The following TF variants were observed in gnomAD, a reference collection of about 807,000 sequenced individuals.
The protein encoded by TF is transferrin, also known as serotransferrin.
TF carries 55 observed loss-of-function variants against 82.4 expected under a neutral mutation model. The ratio of observed to expected loss-of-function variants is 0.67; its 90% CI spans 0.54 to 0.84. The LOEUF is 0.84. Among genes scored for constraint, TF ranks in the 40% least tolerant of loss-of-function variants. The probability of loss-of-function intolerance (pLI) is 0.00; values close to 1 mark genes in which losing one functional copy is unlikely to be tolerated. For synonymous variants in TF, 332 were observed against 332.6 expected, an observed-to-expected ratio of 1.00 and a Z score of 0.02; for missense variants, 737 against 868.4, an observed-to-expected ratio of 0.85 and a Z score of 1.90.
At chr3:133,777,488 C>G (rs1366728359) in intron 16 of TF, 1 of 503,822 alleles carries the variant, frequency 2.0e-6, no homozygotes, top group Admixed American at 3.3e-5. Context: ...CATCTTATTT[C>G]TAAGAAAAGG....
the TF span, among the ~76,000 whole-genome samples, chr3:133,688,660 G>C: frequency 6.6e-6 from 1 of 152,148 alleles, no homozygotes; most frequent in Admixed American, 6.5e-5. Flanking sequence ...CATTGAAAGA[G>C]AATCTATAAA....
the TF span, among the ~76,000 whole-genome samples, chr3:133,670,415 C>T: frequency 2.6e-5 from 4 of 152,172 alleles, no homozygotes; most frequent in Non-Finnish European, 5.9e-5. Flanking sequence ...TTTATGAGAG[C>T]CTGTACCAAA....
the TF span, among the ~76,000 whole-genome samples, chr3:133,677,259 T>C: frequency 3.9e-5 from 6 of 152,238 alleles, no homozygotes; most frequent in Non-Finnish European, 7.3e-5. Context: ...TAAATTGTCA[T>C]ATGGCCAGTG....
chr3:133,717,785 A>G, the TF span, among the ~76,000 whole-genome samples: 6 of 152,192 alleles, frequency 3.9e-5, no homozygotes, highest in African/African-American at 7.2e-5. Flanking sequence ...CTGAATACAC[A>G]AAGGGAATTT....
Position 133,792,458 on chromosome 3 carries a change from C to T in TF, c.*13838C>T, listed in dbSNP as rs1934864787. The T allele has an allele frequency of 1.3e-5, 2 of 152,218 alleles. No homozygotes were observed. Among genetic ancestry groups the T allele is most frequent in the African/African-American group, 4.8e-5 (2 of 41,456 alleles). 9.4% of individuals were successfully genotyped at this position (152,218 alleles called of 1,614,324 possible). On this transcript the variant is annotated 3_prime_UTR_variant, in exon 17 of 17. Coordinates refer to ENST00000402696, the MANE Select transcript of TF (RefSeq NM_001063.4). ...TTAACTCTACAACTTGCCTGCTTTACAGCTCGGTAAGGCCTGAGACACGTG... is the reference window on the plus strand; with the variant it reads ...TTAACTCTACAACTTGCCTGCTTTATAGCTCGGTAAGGCCTGAGACACGTG...
At chr3:133,772,136 A>G (rs1934275940) in intron 14 of TF, among the ~76,000 whole-genome samples, 1 of 152,232 alleles carries the variant, frequency 6.6e-6, no homozygotes, top group Non-Finnish European at 1.5e-5. Context: ...AAACTCTTTG[A>G]GCTCTTTTTC....
chr3:133,739,157 G>A, the TF span, among the ~76,000 whole-genome samples: 1 of 151,940 alleles, frequency 6.6e-6, no homozygotes, highest in South Asian at 2.1e-4. Flanking sequence ...AAAAAATAAC[G>A]CCACACATCT....
the TF span, among the ~76,000 whole-genome samples, chr3:133,736,452 C>T: frequency 0.019 from 2,893 of 151,940 alleles, 95 homozygotes; most frequent in African/African-American, 0.065. Context: ...TCACACATAA[C>T]AATATTAACC....
the TF span, among the ~76,000 whole-genome samples, chr3:133,690,294 AC>A: frequency 6.6e-6 from 1 of 152,212 alleles, no homozygotes; most frequent in East Asian, 1.9e-4. Flanking sequence ...AAAACTATAA[AC>A]AAGCCATTTG....
chr3:133,673,082 A>G, the TF span, among the ~76,000 whole-genome samples: 1 of 152,240 alleles, frequency 6.6e-6, no homozygotes, highest in East Asian at 1.9e-4. Context: ...TCAATTTTGT[A>G]TTAATAGTTC....
the TF span, among the ~76,000 whole-genome samples, chr3:133,672,414 A>G: frequency 6.6e-6 from 1 of 152,070 alleles, no homozygotes; most frequent in African/African-American, 2.4e-5. Flanking sequence ...AAGATAAAGA[A>G]ACCTGCAGAA....
the TF span, among the ~76,000 whole-genome samples, chr3:133,673,008 A>T: frequency 1.3e-5 from 2 of 152,234 alleles, no homozygotes; most frequent in Non-Finnish European, 2.9e-5. Flanking sequence ...AAAACAAAAC[A>T]AAACACCAGC....
the TF span, among the ~76,000 whole-genome samples, chr3:133,733,916 G>A: frequency 6.6e-6 from 1 of 152,136 alleles, no homozygotes; most frequent in Non-Finnish European, 1.5e-5. Flanking sequence ...CTTTGCTTGA[G>A]GTGGCTATGG....
At chr3:133,662,995 C>A in the TF span, among the ~76,000 whole-genome samples, 5 of 152,162 alleles carry the variant, frequency 3.3e-5, no homozygotes, top group Non-Finnish European at 7.4e-5. Context: ...TTTAGTCAGA[C>A]TCCTCAACCT....
upstream of TF, among the ~76,000 whole-genome samples, chr3:133,741,993 C>A (rs960087589): frequency 1.3e-5 from 2 of 152,014 alleles, no homozygotes; most frequent in African/African-American, 2.4e-5. Context: ...AATCCTTTTT[C>A]TTTATTTAGA....
intron 14 of TF, 55 bp downstream of exon 14, chr3:133,770,627 T>C: frequency 1.3e-6 from 2 of 1,556,818 alleles, no homozygotes; most frequent in Non-Finnish European, 8.9e-7. Context: ...GTCACTGGTA[T>C]TCACTTGTAT....
intron 14 of TF, among the ~76,000 whole-genome samples, chr3:133,771,597 C>A (rs1000349135): frequency 6.6e-6 from 1 of 151,334 alleles, no homozygotes; most frequent in Non-Finnish European, 1.5e-5. Context: ...ATTAGCCGGG[C>A]GCGGTGGTGG....
At chr3:133,741,566 C>T (rs1041914307), upstream of TF, among the ~76,000 whole-genome samples, 1 of 152,144 alleles carries the variant, frequency 6.6e-6, no homozygotes, top group African/African-American at 2.4e-5. Flanking sequence ...TTATGGTACA[C>T]TAATACTTGA....
chr3:133,726,495 G>C, the TF span, among the ~76,000 whole-genome samples: 1 of 152,156 alleles, frequency 6.6e-6, no homozygotes, highest in Non-Finnish European at 1.5e-5. Flanking sequence ...TGTGGGATTG[G>C]TGGTGATATC....
Sources: allele counts gnomAD v4.1 joint callset (sites outside exome capture counted in the v4.1 genomes callset), GRCh38; gene constraint gnomAD v4.1.1; transcripts MANE v1.5; gene names NCBI Gene and HGNC (gene_info 2026-07-23, HGNC 2026-07-21).